The following MDGA2 variants were observed in gnomAD, a reference collection of about 807,000 sequenced individuals.
The protein encoded by MDGA2 is MAM domain containing glycosylphosphatidylinositol anchor 2.
MDGA2 carries 40 observed loss-of-function variants against 117.8 expected under a neutral mutation model. That is an observed-to-expected ratio of 0.34 (90% CI 0.26 to 0.44). The LOEUF (loss-of-function observed/expected upper bound fraction) is 0.44. Among genes scored for constraint, MDGA2 ranks in the 20% least tolerant of loss-of-function variants. The pLI is 1.00. For synonymous variants in MDGA2, 452 were observed against 439.0 expected, an observed-to-expected ratio of 1.03 and a Z score of -0.37; for missense variants, 1,123 against 1,250.6, an observed-to-expected ratio of 0.90 and a Z score of 1.54.
intron 7 of MDGA2, among the ~76,000 whole-genome samples, chr14:47,038,908 C>T (rs1246656748): frequency 6.6e-6 from 1 of 151,358 alleles, no homozygotes; most frequent in East Asian, 1.9e-4. Context: ...CAAGATCATA[C>T]CACTGCACTC....
chr14:47,445,911 G>A (rs1042942868), intron 1 of MDGA2, among the ~76,000 whole-genome samples: 10 of 152,092 alleles, frequency 6.6e-5, no homozygotes, highest in Non-Finnish European at 1.2e-4. Flanking sequence ...GTAGAGGTAC[G>A]ATGGCTGAAA....
At chr14:47,268,196 C>T (rs1888028236) in intron 2 of MDGA2, among the ~76,000 whole-genome samples, 1 of 151,964 alleles carries the variant, frequency 6.6e-6, no homozygotes, top group Non-Finnish European at 1.5e-5. Context: ...TCTCAGCCTC[C>T]TGAGTAGCTG....
intron 6 of MDGA2, among the ~76,000 whole-genome samples, chr14:47,084,424 T>C (rs1357246216): frequency 6.7e-6 from 1 of 150,262 alleles, no homozygotes; most frequent in Non-Finnish European, 1.5e-5. Context: ...GCTAAATGCC[T>C]ACAGTAAAAA....
rs1376418244 is a variant in MDGA2, at chr14:47,674,576, T to C, written c.221A>G (p.Tyr74Cys). The C allele has an allele frequency of 2.6e-6, 4 of 1,551,278 alleles. No homozygotes were observed. The highest frequency in any genetic ancestry group is 1.2e-5 in the South Asian group (1 of 83,902). The change falls in exon 1 of 17, where the codon TAC becomes TGC. Residue 74 changes from tyrosine (Y) to cysteine (C), a missense_variant. Tyr to Cys is a radical substitution (Grantham distance 194, BLOSUM62 -2). Coordinates refer to ENST00000399232, the MANE Select transcript of MDGA2 (RefSeq NM_001113498.3). ...GACTGTCAGCAGCCACACGAGACCG[T>C]ACAGTAAATCCATCTTCACGTGAAC... ...VHVHVKMDLLYGLVWLLTVLL... is the reference protein window; with the variant it reads ...VHVHVKMDLLCGLVWLLTVLL...
At chr14:47,541,675 G>C (rs941550013) in intron 1 of MDGA2, among the ~76,000 whole-genome samples, 1 of 152,184 alleles carries the variant, frequency 6.6e-6, no homozygotes, top group Non-Finnish European at 1.5e-5. Context: ...TTGAATTATA[G>C]TTTTACCTCT....
Position 47,079,727 on chromosome 14 carries a change from A to ATTTTTTTTTTTTTT in MDGA2, c.1195+17113_1195+17126dup, listed in dbSNP as rs35801678. Among the ~76,000 whole-genome samples, 194 of 80,064 alleles carry ATTTTTTTTTTTTTT rather than the reference A, an allele frequency of 2.4e-3. 28 individuals are homozygous for ATTTTTTTTTTTTTT. In the East Asian group the frequency reaches 0.026, roughly 11 times the overall value. 52.5% of individuals were successfully genotyped at this position (80,064 alleles called of 152,430 possible). A position where few individuals can be genotyped will look rare whatever the true frequency, so the allele number is the denominator to read the frequency against. ...ATTTGTTTCAGCCGATTTTCTACTA[A>ATTTTTTTTTTTTTT]TTTTTTTTTTTTTTTTTTTTTTGAG... On this transcript the variant is annotated intron_variant, in intron 6 of 16. Transcript: ENST00000399232.
chr14:47,480,084 T>A lies in MDGA2; in HGVS notation c.281-178534A>T, dbSNP rs932393503. ...ATAATGTGGTTCCTTTACAAAAAAA[T>A]CAATGTTTCGATTATTTAGAAATTA... On this transcript the variant is annotated intron_variant, in intron 1 of 16. Coordinates refer to ENST00000399232, the MANE Select transcript of MDGA2 (RefSeq NM_001113498.3). 2.9e-4 allele frequency among the ~76,000 whole-genome samples: 13 copies of A among 44,606 alleles called. No individual in the cohort carries two copies. In the East Asian group the frequency reaches 0.017, roughly 58 times the overall value. 29.3% of individuals were successfully genotyped at this position (44,606 alleles called of 152,430 possible). A position where few individuals can be genotyped will look rare whatever the true frequency, so the allele number is the denominator to read the frequency against.
chr14:47,462,572 T>A (rs569080603), intron 1 of MDGA2, among the ~76,000 whole-genome samples: 3 of 152,268 alleles, frequency 2.0e-5, no homozygotes, highest in East Asian at 3.9e-4. Flanking sequence ...TGCCAGAATA[T>A]AAGTTACATT....
intron 1 of MDGA2, among the ~76,000 whole-genome samples, chr14:47,649,431 T>G (rs1045567208): frequency 6.6e-6 from 1 of 152,194 alleles, no homozygotes; most frequent in Non-Finnish European, 1.5e-5. Context: ...CTTTTGGTCA[T>G]CCAATTTTAC....
chr14:46,907,633 C>T (rs371696111), intron 10 of MDGA2, among the ~76,000 whole-genome samples: 302 of 152,226 alleles, frequency 2.0e-3, no homozygotes, highest in South Asian at 5.2e-3. Context: ...GCTCTCATTT[C>T]TTAGCTGAAT....
At chr14:46,935,657 C>G (rs1397523700) in intron 9 of MDGA2, among the ~76,000 whole-genome samples, 2 of 152,144 alleles carry the variant, frequency 1.3e-5, no homozygotes, top group Non-Finnish European at 2.9e-5. Flanking sequence ...CCTGCCCTTC[C>G]TTTCTTGCTC....
At chr14:47,476,687 A>T (rs1027555300) in intron 1 of MDGA2, among the ~76,000 whole-genome samples, 4 of 152,174 alleles carry the variant, frequency 2.6e-5, no homozygotes, top group African/African-American at 7.2e-5. Flanking sequence ...TCCCTAATTC[A>T]TGTTTTATAA....
intron 6 of MDGA2, among the ~76,000 whole-genome samples, chr14:47,087,980 C>T (rs72678480): frequency 0.084 from 12,770 of 151,746 alleles, 762 homozygotes; most frequent in Admixed American, 0.14. Context: ...GTAAATATGA[C>T]GAGAGACTCC....
At chr14:47,214,969 CT>C (rs1701397408) in intron 3 of MDGA2, among the ~76,000 whole-genome samples, 1 of 152,032 alleles carries the variant, frequency 6.6e-6, no homozygotes, top group Non-Finnish European at 1.5e-5. Flanking sequence ...ATTAATTATT[CT>C]TTTTGTTAAA....
At chr14:47,449,912 A>C (rs1284821256) in intron 1 of MDGA2, among the ~76,000 whole-genome samples, 2 of 152,114 alleles carry the variant, frequency 1.3e-5, no homozygotes, top group Non-Finnish European at 2.9e-5. Context: ...CAGACTCCAT[A>C]AATTCAAATT....
At chr14:47,082,943 A>T (rs935641392) in intron 6 of MDGA2, among the ~76,000 whole-genome samples, 1 of 152,074 alleles carries the variant, frequency 6.6e-6, no homozygotes, top group Non-Finnish European at 1.5e-5. Flanking sequence ...GAAGAATTCA[A>T]TAAATATGTC....
chr14:47,165,209 C>A (rs1231669391), intron 3 of MDGA2, among the ~76,000 whole-genome samples: 3 of 151,988 alleles, frequency 2.0e-5, no homozygotes, highest in East Asian at 3.9e-4. Flanking sequence ...ATGTAACAAA[C>A]CTGCACATTG....
At chr14:47,341,341 G>T (rs539563253) in intron 1 of MDGA2, among the ~76,000 whole-genome samples, 1 of 152,288 alleles carries the variant, frequency 6.6e-6, no homozygotes, top group Non-Finnish European at 1.5e-5. Context: ...GGCCAAATAA[G>T]CTGATTTTAC....
intron 1 of MDGA2, among the ~76,000 whole-genome samples, chr14:47,315,041 T>A (rs764778177): frequency 4.6e-5 from 7 of 152,148 alleles, no homozygotes; most frequent in Non-Finnish European, 1.0e-4. Context: ...TGCTTTTTGC[T>A]TAATATGGTA....
Sources: allele counts gnomAD v4.1 joint callset (sites outside exome capture counted in the v4.1 genomes callset), GRCh38; gene constraint gnomAD v4.1.1; transcripts MANE v1.5; gene names NCBI Gene and HGNC (gene_info 2026-07-23, HGNC 2026-07-21).